The following CCDC170 variants were observed in gnomAD, a reference collection of about 807,000 sequenced individuals.
CCDC170 encodes coiled-coil domain containing 170.
Under a neutral mutation model 72.6 loss-of-function variants are expected in CCDC170, and 69 were observed. That is an observed-to-expected ratio of 0.95 (90% CI 0.78 to 1.16). The LOEUF (loss-of-function observed/expected upper bound fraction) is 1.16. Ranked by LOEUF, CCDC170 falls within the 50% of genes most tolerant of loss-of-function variation. CCDC170 has a pLI of 0.00. For missense variants in CCDC170, 852 were observed against 832.5 expected (o/e 1.02, Z -0.29); for synonymous variants, 300 against 303.9 (o/e 0.99, Z 0.13).
At chr6:151,604,496 G>A (rs1776755822) in intron 9 of CCDC170, among the ~76,000 whole-genome samples, 1 of 152,182 alleles carries the variant, frequency 6.6e-6, no homozygotes, top group Non-Finnish European at 1.5e-5. Flanking sequence ...GGAGGAATAG[G>A]TTTTAGTGTT....
chr6:151,562,402 CT>C (rs748379858), intron 5 of CCDC170, among the ~76,000 whole-genome samples: 27 of 151,792 alleles, frequency 1.8e-4, no homozygotes, highest in Non-Finnish European at 3.2e-4. Context: ...TTCTTTTTTT[CT>C]CTTAGGGGTA....
At chr6:151,522,696 C>G (rs983398181) in intron 1 of CCDC170, among the ~76,000 whole-genome samples, 1 of 152,194 alleles carries the variant, frequency 6.6e-6, no homozygotes, top group Non-Finnish European at 1.5e-5. Flanking sequence ...TAAGGGTGCA[C>G]CCTTCTACAG....
Position 151,619,317 on chromosome 6 carries a change from G to C in CCDC170, c.*1170G>C, listed in dbSNP as rs1416086769. ...CACCAATATATCCAATACACCCACA[G>C]CAATGGTACCTTTTTAAGATCAGGA... On this transcript the variant is annotated 3_prime_UTR_variant, in exon 11 of 11. Transcript: ENST00000239374. 2 of 152,030 alleles carry C rather than the reference G, an allele frequency of 1.3e-5. No individual in the cohort carries two copies. The highest frequency in any genetic ancestry group is 2.9e-5 in the Non-Finnish European group (2 of 68,034). 9.4% of individuals were successfully genotyped at this position (152,030 alleles called of 1,614,324 possible). A position where few individuals can be genotyped will look rare whatever the true frequency, so the allele number is the denominator to read the frequency against.
Position 151,618,325 on chromosome 6 carries a change from G to T in CCDC170, c.*178G>T. 1 of 576,450 alleles carries T rather than the reference G, an allele frequency of 1.7e-6. No homozygotes were observed. Among genetic ancestry groups the T allele is most frequent in the South Asian group, 2.5e-5 (1 of 39,514 alleles). 35.7% of individuals were successfully genotyped at this position (576,450 alleles called of 1,614,324 possible). ...AGTGTCAGCCTTAGATAAACGTTCA[G>T]CATTAAAAACGCCTATTATTTCATT... On this transcript the variant is annotated 3_prime_UTR_variant, in exon 11 of 11. Coordinates refer to ENST00000239374, the MANE Select transcript of CCDC170 (RefSeq NM_025059.4).
intron 8 of CCDC170, among the ~76,000 whole-genome samples, chr6:151,594,631 A>T (rs73617505): frequency 0.029 from 4,465 of 151,768 alleles, 182 homozygotes; most frequent in African/African-American, 0.095. Context: ...TAAAATTGCA[A>T]TGGAGTGGAA....
chr6:151,615,047 A>G (rs1346144730), intron 9 of CCDC170, among the ~76,000 whole-genome samples: 2 of 152,148 alleles, frequency 1.3e-5, no homozygotes, highest in Non-Finnish European at 2.9e-5. Context: ...AGAAGAGGGG[A>G]CATTTTGCTC....
intron 9 of CCDC170, among the ~76,000 whole-genome samples, chr6:151,613,642 T>C (rs1345970777): frequency 6.6e-6 from 1 of 152,214 alleles, no homozygotes; most frequent in Non-Finnish European, 1.5e-5. Flanking sequence ...GTTTTCAAGG[T>C]TTACCTATGT....
intron 6 of CCDC170, among the ~76,000 whole-genome samples, chr6:151,581,079 T>A (rs1453690688): frequency 6.6e-6 from 1 of 152,232 alleles, no homozygotes; most frequent in African/African-American, 2.4e-5. Flanking sequence ...GTAATGTTGA[T>A]GGTTACTGCT....
intron 5 of CCDC170, among the ~76,000 whole-genome samples, chr6:151,569,839 C>G (rs951963852): frequency 4.6e-5 from 7 of 152,196 alleles, no homozygotes; most frequent in African/African-American, 1.7e-4. Flanking sequence ...CCTTGTCACT[C>G]TGGCTCTCGA....
intron 1 of CCDC170, among the ~76,000 whole-genome samples, chr6:151,499,092 T>G (rs796908667): frequency 1.8e-3 from 199 of 111,494 alleles, no homozygotes; most frequent in African/African-American, 4.2e-3. Flanking sequence ...TCAGACTGTA[T>G]TTGACTATTC....
intron 3 of CCDC170, among the ~76,000 whole-genome samples, chr6:151,539,599 T>G (rs1782649096): frequency 6.6e-6 from 1 of 152,200 alleles, no homozygotes; most frequent in South Asian, 2.1e-4. Flanking sequence ...CTCTTCTCAT[T>G]TGTGTCTAAA....
intron 1 of CCDC170, among the ~76,000 whole-genome samples, chr6:151,528,771 G>A (rs772799595): frequency 3.3e-5 from 5 of 152,136 alleles, no homozygotes; most frequent in African/African-American, 4.8e-5. Context: ...ACAGGAGGTA[G>A]AGGTTGCAGT....
intron 3 of CCDC170, among the ~76,000 whole-genome samples, chr6:151,541,823 G>GTA (rs946423358): frequency 7.0e-6 from 1 of 143,270 alleles, no homozygotes; most frequent in East Asian, 2.0e-4. Context: ...ATATATATAT[G>GTA]TATATATATA....
chr6:151,525,121 A>G (rs1295937407), intron 1 of CCDC170, among the ~76,000 whole-genome samples: 1 of 152,024 alleles, frequency 6.6e-6, no homozygotes, highest in African/African-American at 2.4e-5. Flanking sequence ...TTTAGTAGAG[A>G]CAGGGTTTCA....
At chr6:151,539,286 C>A (rs757037969) in intron 3 of CCDC170, among the ~76,000 whole-genome samples, 1 of 151,882 alleles carries the variant, frequency 6.6e-6, no homozygotes, top group Non-Finnish European at 1.5e-5. Context: ...TGTATGTATT[C>A]ATGGTCTCCA....
At chr6:151,518,963 T>C (rs192083512) in intron 1 of CCDC170, among the ~76,000 whole-genome samples, 264 of 152,258 alleles carry the variant, frequency 1.7e-3, no homozygotes, top group African/African-American at 6.0e-3. Flanking sequence ...AAAGCAAAGA[T>C]CACAAGGCAA....
intron 1 of CCDC170, among the ~76,000 whole-genome samples, chr6:151,505,725 G>T (rs1286242075): frequency 6.6e-6 from 1 of 151,922 alleles, no homozygotes; most frequent in Non-Finnish European, 1.5e-5. Context: ...ACTCCTCAAG[G>T]CTTTGCTATT....
intron 1 of CCDC170, among the ~76,000 whole-genome samples, chr6:151,512,162 GTTT>G (rs546546640): frequency 7.9e-6 from 1 of 126,450 alleles, no homozygotes. Flanking sequence ...GTTTTTTTTT[GTTT>G]TTTTTTTTTT....
intron 1 of CCDC170, among the ~76,000 whole-genome samples, chr6:151,531,665 A>C (rs1375654856): frequency 6.6e-6 from 1 of 152,230 alleles, no homozygotes; most frequent in African/African-American, 2.4e-5. Context: ...TATGCTGCTA[A>C]TAAAAACATA....
Sources: gnomAD v4.1 joint callset for allele counts (sites outside exome capture counted in the v4.1 genomes callset) on GRCh38, gnomAD v4.1.1 for gene constraint, MANE v1.5 for transcripts, NCBI Gene and HGNC (gene_info 2026-07-23, HGNC 2026-07-21) for gene names.